Variants in OR2A12 observed in about 807,000 individuals in gnomAD.
OR2A12 encodes the protein olfactory receptor family 2 subfamily A member 12.
For synonymous variants in OR2A12, 153 were observed against 149.3 expected (o/e 1.02, Z -0.18); for missense variants, 380 against 372.5 (o/e 1.02, Z -0.17).
chr7:144,088,805 T>C (rs1006052543), intron 1 of OR2A12, among the ~76,000 whole-genome samples: 2 of 152,228 alleles, frequency 1.3e-5, no homozygotes, highest in Non-Finnish European at 2.9e-5. Flanking sequence ...TTCTTCATTT[T>C]AATTCTTATG....
In OR2A12 at chr7:144,095,126, T is replaced by A. The variant is rs954751114; in HGVS notation, c.19T>A (p.Trp7Arg). The A allele has an allele frequency of 1.2e-6, 2 of 1,609,270 alleles. No homozygotes were observed. Among genetic ancestry groups the A allele is most frequent in the Non-Finnish European group, 1.7e-6 (2 of 1,177,834 alleles). The change falls in exon 2 of 2, where the codon TGG (tryptophan) becomes AGG (arginine). Residue 7 changes from tryptophan to arginine, a missense_variant. Coordinates refer to ENST00000641592, the MANE Select transcript of OR2A12 (RefSeq NM_001004135.2). MESNQT[W>R]ITEVILLGFQ... The stretch of plus-strand genomic sequence containing the variant: ...CGAGAACATGGAAAGCAATCAGACC[T>A]GGATCACAGAAGTCATCCTGTTGGG...
Position 144,088,924 on chromosome 7 carries a change from A to G in OR2A12, c.-52+2381A>G, listed in dbSNP as rs560669904. Among the ~76,000 whole-genome samples, 3 of 152,268 alleles carry G rather than the reference A, an allele frequency of 2.0e-5. No homozygotes were observed. The East Asian group carries it at 5.8e-4, about 29-fold the overall frequency. On this transcript the variant is annotated intron_variant, in intron 1 of 1. Transcript: ENST00000641592. ...CGAAGAACACCAAAACATGGCCCCT[A>G]CCACACACCATGCACAAAAATAAAC...
In OR2A12 at chr7:144,096,273, G is replaced by T; in HGVS notation, c.*233G>T. 1 of 334,946 alleles carries T rather than the reference G, an allele frequency of 3.0e-6. No individual in the cohort carries two copies. Among genetic ancestry groups the T allele is most frequent in the Non-Finnish European group, 5.4e-6 (1 of 183,790 alleles). The allele number at this position is 334,946 out of a possible 1,614,324, so 20.7% of individuals were successfully genotyped here. On this transcript the variant is annotated 3_prime_UTR_variant, in exon 2 of 2. Transcript: ENST00000641592. ...AGTTCGAGACCAGCCTAACCAACAT[G>T]GCGAAACACTGTCTCTATTAAAAAT...
chr7:144,095,320 C>A lies in OR2A12; in HGVS notation c.213C>A (p.Ser71=). Residue 71 remains serine (S), a synonymous_variant, in exon 2 of 2, where the codon TCC becomes TCA. Transcript: ENST00000641592. ...CACACCTGGCCATTGTGGACATGTCCTATGCCTCGAGTACTGTCCCTAAGA... is the reference window on the plus strand; with the variant it reads ...CACACCTGGCCATTGTGGACATGTCATATGCCTCGAGTACTGTCCCTAAGA... ...FLSHLAIVDM[S]YASSTVPKML... is the part of the protein sequence containing the mutation. 1 of 1,613,740 alleles carries A rather than the reference C, an allele frequency of 6.2e-7. No homozygotes were observed. The highest frequency in any genetic ancestry group is 8.5e-7 in the Non-Finnish European group (1 of 1,179,694).
At position 144,095,367 on chromosome 7, in the gene OR2A12, AC is replaced by A. The variant is rs778809737; in HGVS notation, c.261del (p.His87GlnfsTer26). On this transcript the variant is annotated frameshift_variant, in exon 2 of 2. Coordinates refer to ENST00000641592, the MANE Select transcript of OR2A12 (RefSeq NM_001004135.2). LOFTEE classifies it low-confidence loss of function (END_TRUNC). ...AAGATGCTAGCAAATCTTGTGATGC[AC>A]AAAAAAGTCATCTCCTTTGCTCCTT... ...VPKMLANLVM[H>X]KKVISFAPCI... is the part of the protein sequence containing the mutation. 1 of 1,613,516 alleles carries A rather than the reference AC, an allele frequency of 6.2e-7. No individual in the cohort carries two copies. The highest frequency in any genetic ancestry group is 2.2e-5 in the East Asian group (1 of 44,872).
rs2051280378 is a variant in OR2A12, at chr7:144,098,187, T to C, written c.*2147T>C. 1 of 152,232 alleles carries C rather than the reference T, an allele frequency of 6.6e-6. No individual in the cohort carries two copies. The highest frequency in any genetic ancestry group is 6.5e-5 in the Admixed American group (1 of 15,278). 9.4% of individuals were successfully genotyped at this position (152,232 alleles called of 1,614,324 possible). ...ATCATATCTCTTCAGTCTGTCTTTT[T>C]ATGGCATTATTAAGTACTTGAAGTT... On this transcript the variant is annotated 3_prime_UTR_variant, in exon 2 of 2. Transcript: ENST00000641592.
intron 1 of OR2A12, among the ~76,000 whole-genome samples, chr7:144,092,383 C>T (rs1013278251): frequency 6.6e-6 from 1 of 151,946 alleles, no homozygotes; most frequent in African/African-American, 2.4e-5. Flanking sequence ...TTCTCTAGTT[C>T]TGTGAAGAAT....
rs1332019487 is a variant in OR2A12 at position 144,096,950 on chromosome 7, T to A, written c.*910T>A. The stretch of plus-strand genomic sequence containing the variant: ...AGAATCAGACACAAAAAAAATCACT[T>A]GTTTTTCTTGATTTCACTTTTTACT... On this transcript the variant is annotated 3_prime_UTR_variant, in exon 2 of 2. Coordinates refer to ENST00000641592, the MANE Select transcript of OR2A12 (RefSeq NM_001004135.2). 1 of 152,148 alleles carries A rather than the reference T, an allele frequency of 6.6e-6. No individual in the cohort carries two copies. Among genetic ancestry groups the A allele is most frequent in the Non-Finnish European group, 1.5e-5 (1 of 68,028 alleles). The allele number at this position is 152,148 out of a possible 1,614,324, so 9.4% of individuals were successfully genotyped here.
chr7:144,088,119 C>T (rs1451787730), intron 1 of OR2A12, among the ~76,000 whole-genome samples: 1 of 152,198 alleles, frequency 6.6e-6, no homozygotes, highest in Non-Finnish European at 1.5e-5. Flanking sequence ...TCAAGCAATT[C>T]TCCTGCCTCA....
Position 144,096,221 on chromosome 7 carries a change from G to T in OR2A12, c.*181G>T. 1 of 504,436 alleles carries T rather than the reference G, an allele frequency of 2.0e-6. No individual in the cohort carries two copies. Among genetic ancestry groups the T allele is most frequent in the Non-Finnish European group, 3.5e-6 (1 of 288,256 alleles). 31.2% of individuals were successfully genotyped at this position (504,436 alleles called of 1,614,324 possible). The stretch of plus-strand genomic sequence containing the variant: ...TGTAATCCCAACACTTTGGGAGGCT[G>T]ACCTGGGCGGATTACCTGAGGTCAG... On this transcript the variant is annotated 3_prime_UTR_variant, in exon 2 of 2. Transcript: ENST00000641592.
rs542210967 is a variant in OR2A12, at chr7:144,098,374, G to A, written c.*2334G>A. On this transcript the variant is annotated 3_prime_UTR_variant, in exon 2 of 2. Transcript: ENST00000641592. Reference sequence around the variant, plus strand: ...TCTCAACAATTATCTGTTGACAGACGACCAATAGGTATCCCCAGGAAAGTG... The same window carrying A: ...TCTCAACAATTATCTGTTGACAGACAACCAATAGGTATCCCCAGGAAAGTG... 1.3e-4 allele frequency: 20 copies of A among 152,202 alleles called. No homozygotes were observed. The highest frequency in any genetic ancestry group is 4.3e-4 in the African/African-American group (18 of 41,536). 9.4% of individuals were successfully genotyped at this position (152,202 alleles called of 1,614,324 possible). A position where few individuals can be genotyped will look rare whatever the true frequency, so the allele number is the denominator to read the frequency against.
At chr7:144,094,433 C>T (rs1264684332) in intron 1 of OR2A12, among the ~76,000 whole-genome samples, 2 of 152,214 alleles carry the variant, frequency 1.3e-5, no homozygotes, top group African/African-American at 4.8e-5. Flanking sequence ...CTCACAACAA[C>T]TTGCCTTAAC....
rs1427190305 is a variant in OR2A12 at position 144,086,387 on chromosome 7, G to A, written c.-208G>A. The A allele has an allele frequency of 1.3e-5, 2 of 152,852 alleles. No individual in the cohort carries two copies. The highest frequency in any genetic ancestry group is 4.8e-5 in the African/African-American group (2 of 41,416). The allele number at this position is 152,852 out of a possible 1,614,324, so 9.5% of individuals were successfully genotyped here. A position where few individuals can be genotyped will look rare whatever the true frequency, so the allele number is the denominator to read the frequency against. ...ACATGCGTGCACACACACACAAACA[G>A]AGGCATACACACCTGCCCCACACCT... On this transcript the variant is annotated 5_prime_UTR_variant, in exon 1 of 2. Coordinates refer to ENST00000641592, the MANE Select transcript of OR2A12 (RefSeq NM_001004135.2).
At chr7:144,088,027 G>C (rs1586899051) in intron 1 of OR2A12, among the ~76,000 whole-genome samples, 1 of 152,104 alleles carries the variant, frequency 6.6e-6, no homozygotes, top group Non-Finnish European at 1.5e-5. Context: ...GTTTTGTTTT[G>C]TTTTGAAACA....
intron 1 of OR2A12, 55 bp from the exon 2 acceptor site, chr7:144,095,002 C>A: frequency 1.4e-6 from 1 of 731,864 alleles, no homozygotes; most frequent in Non-Finnish European, 2.2e-6. Context: ...GATTTGTGGC[C>A]TCTGGCATAA....
rs2051271099 is a variant in OR2A12, at chr7:144,097,161, T to G, written c.*1121T>G. ...AAATTCAAAAGAATTATAAGAAATT[T>G]TAAAGTAGCTTGATACAAAATCAAT... On this transcript the variant is annotated 3_prime_UTR_variant, in exon 2 of 2. Coordinates refer to ENST00000641592, the MANE Select transcript of OR2A12 (RefSeq NM_001004135.2). 1 of 152,032 alleles carries G rather than the reference T, an allele frequency of 6.6e-6. No individual in the cohort carries two copies. Among genetic ancestry groups the G allele is most frequent in the South Asian group, 2.1e-4 (1 of 4,832 alleles). 9.4% of individuals were successfully genotyped at this position (152,032 alleles called of 1,614,324 possible).
In OR2A12 at chr7:144,095,119, T is replaced by C; in HGVS notation, c.12T>C (p.Asn4=). The C allele has an allele frequency of 6.2e-7, 1 of 1,601,860 alleles. No individual in the cohort carries two copies. Among genetic ancestry groups the C allele is most frequent in the Non-Finnish European group, 8.5e-7 (1 of 1,174,960 alleles). The change falls in exon 2 of 2, where the codon AAT becomes AAC. Residue 4 remains asparagine, a synonymous_variant. Transcript: ENST00000641592. MES[N]QTWITEVILL... Reference sequence around the variant, plus strand: ...TCTGTCACGAGAACATGGAAAGCAATCAGACCTGGATCACAGAAGTCATCC... The same window carrying C: ...TCTGTCACGAGAACATGGAAAGCAACCAGACCTGGATCACAGAAGTCATCC...
At chr7:144,092,937 A>G (rs901447113) in intron 1 of OR2A12, among the ~76,000 whole-genome samples, 1 of 152,202 alleles carries the variant, frequency 6.6e-6, no homozygotes, top group Non-Finnish European at 1.5e-5. Flanking sequence ...TTGATAGATG[A>G]TAATATTGAT....
Position 144,095,196 on chromosome 7 carries a change from T to C in OR2A12, c.89T>C (p.Phe30Ser), listed in dbSNP as rs1356608601. Residue 30 changes from phenylalanine to serine, a missense_variant, in exon 2 of 2, where the codon TTC becomes TCC. By Grantham distance (155) the Phe-to-Ser change is radical. Coordinates refer to ENST00000641592, the MANE Select transcript of OR2A12 (RefSeq NM_001004135.2). ...CTGGAGTTGTTCCTCTTTGGGTTTT[T>C]CTTGCTATTCTACAGCTTAACCCTG... ...PALELFLFGF[F>S]LLFYSLTLMG... 1.9e-6 allele frequency: 3 copies of C among 1,613,946 alleles called. No individual in the cohort carries two copies. The African/African-American group carries it at 4.0e-5, about 22-fold the overall frequency.
Sources: gnomAD v4.1 joint callset for allele counts (sites outside exome capture counted in the v4.1 genomes callset) on GRCh38, gnomAD v4.1.1 for gene constraint, MANE v1.5 for transcripts, NCBI Gene and HGNC (gene_info 2026-07-23, HGNC 2026-07-21) for gene names.